Variants in SPOCK3 observed in about 807,000 individuals in gnomAD.
The protein encoded by SPOCK3 is SPARC (osteonectin), cwcv and kazal like domains proteoglycan 3.
Under a neutral mutation model 56.6 loss-of-function variants are expected in SPOCK3, and 30 were observed. The ratio of observed to expected loss-of-function variants is 0.53; its 90% CI spans 0.40 to 0.72. SPOCK3 has a LOEUF of 0.72. SPOCK3 is among the 30% of genes least tolerant of loss of function. SPOCK3 has a pLI of 0.00. For synonymous variants in SPOCK3, 196 were observed against 183.3 expected, an observed-to-expected ratio of 1.07 and a Z score of -0.56; for missense variants, 527 against 530.0, an observed-to-expected ratio of 0.99 and a Z score of 0.06.
At chr4:167,080,808 T>C (rs1406288844) in intron 2 of SPOCK3, among the ~76,000 whole-genome samples, 1 of 151,884 alleles carries the variant, frequency 6.6e-6, no homozygotes, top group Non-Finnish European at 1.5e-5. Flanking sequence ...AAAGGAGACC[T>C]TGAGATTACC....
chr4:167,197,345 G>A (rs1384945286), intron 2 of SPOCK3, among the ~76,000 whole-genome samples: 1 of 152,036 alleles, frequency 6.6e-6, no homozygotes, highest in Admixed American at 6.6e-5. Context: ...ACTCAAAAAT[G>A]ATACTAAATG....
intron 2 of SPOCK3, among the ~76,000 whole-genome samples, chr4:167,150,769 T>C (rs1764347386): frequency 6.6e-6 from 1 of 152,128 alleles, no homozygotes; most frequent in South Asian, 2.1e-4. Flanking sequence ...ATATACTGAC[T>C]TAGTGTTTGC....
intron 6 of SPOCK3, among the ~76,000 whole-genome samples, chr4:166,822,373 T>A (rs1351295347): frequency 1.3e-5 from 2 of 152,098 alleles, no homozygotes; most frequent in Non-Finnish European, 2.9e-5. Flanking sequence ...TTATAGGAGC[T>A]ATCCCATGAA....
At chr4:166,988,870 G>A (rs1365830886) in intron 4 of SPOCK3, among the ~76,000 whole-genome samples, 2 of 152,012 alleles carry the variant, frequency 1.3e-5, no homozygotes, top group African/African-American at 4.8e-5. Flanking sequence ...AGCAGGTATT[G>A]TTATTTCTAT....
At chr4:166,762,131 A>G (rs1372935325) in intron 7 of SPOCK3, among the ~76,000 whole-genome samples, 2 of 152,114 alleles carry the variant, frequency 1.3e-5, no homozygotes, top group Non-Finnish European at 2.9e-5. Flanking sequence ...AATTGTTTAT[A>G]GAATCAAAAC....
intron 2 of SPOCK3, among the ~76,000 whole-genome samples, chr4:167,204,289 A>G (rs574364824): frequency 3.7e-4 from 56 of 152,172 alleles, no homozygotes; most frequent in African/African-American, 1.2e-3. Context: ...AAAAACTTGT[A>G]TCCTCCTGTA....
intron 6 of SPOCK3, among the ~76,000 whole-genome samples, chr4:166,831,232 G>A (rs982987474): frequency 1.6e-4 from 25 of 152,160 alleles, no homozygotes; most frequent in Admixed American, 1.2e-3. Flanking sequence ...GCTTATTAAT[G>A]TTTGTAGCTT....
At chr4:167,100,985 C>T (rs1759588531) in intron 2 of SPOCK3, among the ~76,000 whole-genome samples, 1 of 152,006 alleles carries the variant, frequency 6.6e-6, no homozygotes, top group African/African-American at 2.4e-5. Flanking sequence ...ATCCTGGAAC[C>T]CATGCATGGT....
At chr4:167,188,577 A>G (rs904510262) in intron 2 of SPOCK3, among the ~76,000 whole-genome samples, 1 of 146,280 alleles carries the variant, frequency 6.8e-6, no homozygotes, top group Admixed American at 7.0e-5. Flanking sequence ...AAAGCCTAAA[A>G]TCAATAAACA....
At chr4:166,887,041 C>T (rs1734272570) in intron 6 of SPOCK3, among the ~76,000 whole-genome samples, 1 of 152,094 alleles carries the variant, frequency 6.6e-6, no homozygotes, top group African/African-American at 2.4e-5. Context: ...TGATCTTTAT[C>T]CCTTGATGAT....
chr4:167,234,235 G>T (rs1737505466), intron 1 of SPOCK3, 62 bp from the exon 2 acceptor site: 3 of 1,549,494 alleles, frequency 1.9e-6, no homozygotes, highest in Non-Finnish European at 2.7e-6. Flanking sequence ...GGGGTACGAA[G>T]CCAGGAGCGA....
intron 2 of SPOCK3, among the ~76,000 whole-genome samples, chr4:167,176,900 C>T (rs1475329884): frequency 6.6e-6 from 1 of 152,110 alleles, no homozygotes; most frequent in African/African-American, 2.4e-5. Context: ...AGCATGAGAT[C>T]ACAGCAGTAC....
intron 2 of SPOCK3, among the ~76,000 whole-genome samples, chr4:167,097,632 C>T (rs1413380667): frequency 6.6e-6 from 1 of 151,772 alleles, no homozygotes; most frequent in African/African-American, 2.4e-5. Context: ...GATGCTGAGG[C>T]TTGGGGTACA....
intron 2 of SPOCK3, among the ~76,000 whole-genome samples, chr4:167,089,712 TAC>T (rs1412583317): frequency 6.6e-6 from 1 of 152,196 alleles, no homozygotes; most frequent in East Asian, 1.9e-4. Flanking sequence ...ATCAAATATA[TAC>T]AGTCATGTAA....
intron 2 of SPOCK3, among the ~76,000 whole-genome samples, chr4:167,233,749 G>A (rs1737425547): frequency 6.6e-6 from 1 of 152,040 alleles, no homozygotes; most frequent in Non-Finnish European, 1.5e-5. Context: ...GGTGGGGGAG[G>A]AAGAGTGTGA....
At chr4:166,775,821 A>C (rs1343144324) in intron 7 of SPOCK3, among the ~76,000 whole-genome samples, 1 of 152,228 alleles carries the variant, frequency 6.6e-6, no homozygotes, top group Non-Finnish European at 1.5e-5. Context: ...GATTAAATGA[A>C]TTAAGTGCTA....
intron 2 of SPOCK3, among the ~76,000 whole-genome samples, chr4:167,148,123 C>G (rs1226779721): frequency 6.6e-6 from 1 of 152,098 alleles, no homozygotes; most frequent in Non-Finnish European, 1.5e-5. Context: ...TTTCATCACT[C>G]TCAACAGTGT....
chr4:166,858,271 C>T (rs906304335), intron 6 of SPOCK3, among the ~76,000 whole-genome samples: 39 of 152,284 alleles, frequency 2.6e-4, no homozygotes, highest in African/African-American at 9.1e-4. Flanking sequence ...TTCCCAAACT[C>T]CTTGTGAAAT....
At chr4:167,051,867 G>C (rs554046163) in intron 3 of SPOCK3, among the ~76,000 whole-genome samples, 1 of 152,306 alleles carries the variant, frequency 6.6e-6, no homozygotes, top group South Asian at 2.1e-4. Flanking sequence ...GGGTCGGCTT[G>C]TGAAGAATAT....
Sources: gnomAD v4.1 joint callset for allele counts (sites outside exome capture counted in the v4.1 genomes callset) on GRCh38, gnomAD v4.1.1 for gene constraint, MANE v1.5 for transcripts, NCBI Gene and HGNC (gene_info 2026-07-23, HGNC 2026-07-21) for gene names.